GABRB2: variants seen among roughly 807,000 people sequenced by gnomAD.
The protein encoded by GABRB2 is gamma-aminobutyric acid receptor subunit beta-2.
Under a neutral mutation model 54.7 loss-of-function variants are expected in GABRB2, and 16 were observed. The ratio of observed to expected loss-of-function variants is 0.29; its 90% CI spans 0.20 to 0.44. The LOEUF (loss-of-function observed/expected upper bound fraction) is 0.44, where lower values mean the gene tolerates loss of function less well. Ranked by LOEUF, GABRB2 falls within the 20% of genes least tolerant of loss-of-function variation. The pLI is 1.00. For missense variants in GABRB2, 355 were observed against 644.0 expected (o/e 0.55, Z 4.86); for synonymous variants, 244 against 233.8 (o/e 1.04, Z -0.40).
At position 161,293,340 on chromosome 5, in the gene GABRB2, T is replaced by G. The variant is rs1352141736; in HGVS notation, c.*741A>C. ...CGTCGTTTCTGATTTTCTACTCTGC[T>G]CTGTGTTGTTAACTCTTACTTTAAC... On this transcript the variant is annotated 3_prime_UTR_variant, in exon 10 of 10. Coordinates refer to ENST00000393959, the MANE Select transcript of GABRB2 (RefSeq NM_001371727.1). 3 of 152,336 alleles carry G rather than the reference T, an allele frequency of 2.0e-5. No individual in the cohort carries two copies. Among genetic ancestry groups the G allele is most frequent in the Non-Finnish European group, 4.4e-5 (3 of 68,128 alleles). The allele number at this position is 152,336 out of a possible 1,614,324, so 9.4% of individuals were successfully genotyped here.
At chr5:161,463,319 A>C (rs1014613196) in intron 3 of GABRB2, among the ~76,000 whole-genome samples, 6 of 87,054 alleles carry the variant, frequency 6.9e-5, no homozygotes, top group Non-Finnish European at 1.0e-4. Context: ...CACACACACC[A>C]CACACACACA....
intron 9 of GABRB2, among the ~76,000 whole-genome samples, chr5:161,321,255 C>G (rs1199641570): frequency 6.6e-6 from 1 of 151,978 alleles, no homozygotes; most frequent in Non-Finnish European, 1.5e-5. Context: ...ATACTAAGTT[C>G]CTGTTATAAA....
chr5:161,359,708 A>C (rs1754744907), intron 5 of GABRB2, among the ~76,000 whole-genome samples: 1 of 152,202 alleles, frequency 6.6e-6, no homozygotes, highest in Non-Finnish European at 1.5e-5. Flanking sequence ...ACTGTTGATA[A>C]CTGGGATTTT....
Position 161,445,419 on chromosome 5 carries a change from A to G in GABRB2, c.458+14205T>C, listed in dbSNP as rs866101287. 3.0e-4 allele frequency among the ~76,000 whole-genome samples: 45 copies of G among 152,166 alleles called. 1 individual carries two copies. The South Asian group carries it at 3.3e-3, about 11-fold the overall frequency. ...GAATGTAAACTAAAAATAAAATTCTAAGCCCCCCAATCCCCACCATCTGAA... is the reference window on the plus strand; with the variant it reads ...GAATGTAAACTAAAAATAAAATTCTGAGCCCCCCAATCCCCACCATCTGAA... On this transcript the variant is annotated intron_variant, in intron 4 of 9. Transcript: ENST00000393959.
At chr5:161,325,150 A>G (rs1465322640) in intron 9 of GABRB2, among the ~76,000 whole-genome samples, 1 of 152,076 alleles carries the variant, frequency 6.6e-6, no homozygotes, top group South Asian at 2.1e-4. Flanking sequence ...CTTCTACATA[A>G]TTAACAATTG....
chr5:161,380,959 T>C (rs1249995205), intron 5 of GABRB2, among the ~76,000 whole-genome samples: 2 of 152,102 alleles, frequency 1.3e-5, no homozygotes, highest in African/African-American at 4.8e-5. Flanking sequence ...AACAGATCTT[T>C]ATGTGACTTC....
At chr5:161,294,503 A>T (rs1004230800) in intron 9 of GABRB2, 75 bp from the exon 10 acceptor site, 9 of 1,281,202 alleles carry the variant, frequency 7.0e-6, no homozygotes, top group Admixed American at 2.0e-5. Flanking sequence ...AGGCACTATG[A>T]TCGGCACTTA....
intron 3 of GABRB2, among the ~76,000 whole-genome samples, chr5:161,538,334 C>T (rs1363140544): frequency 6.6e-6 from 1 of 152,076 alleles, no homozygotes; most frequent in Non-Finnish European, 1.5e-5. Context: ...TGGAGGAAGA[C>T]AGAATAAATA....
At chr5:161,361,565 G>T (rs772475733) in intron 5 of GABRB2, among the ~76,000 whole-genome samples, 17 of 152,116 alleles carry the variant, frequency 1.1e-4, no homozygotes, top group African/African-American at 4.1e-4. Context: ...TGAAATTTTT[G>T]ATTATAAAAA....
At chr5:161,294,919 T>G (rs111356639) in intron 9 of GABRB2, among the ~76,000 whole-genome samples, 2 of 152,222 alleles carry the variant, frequency 1.3e-5, no homozygotes, top group African/African-American at 4.8e-5. Flanking sequence ...TACTTGCCAT[T>G]TATGTCAGGC....
intron 5 of GABRB2, among the ~76,000 whole-genome samples, chr5:161,350,879 C>G (rs1261691261): frequency 6.6e-6 from 1 of 152,054 alleles, no homozygotes; most frequent in Admixed American, 6.6e-5. Flanking sequence ...CAGTGACTCT[C>G]CAGGGGGTCT....
intron 8 of GABRB2, among the ~76,000 whole-genome samples, chr5:161,329,236 T>G (rs1333798846): frequency 6.6e-6 from 1 of 152,176 alleles, no homozygotes; most frequent in Non-Finnish European, 1.5e-5. Context: ...GAGATAGCAT[T>G]ATTTGTTTGT....
chr5:161,526,567 T>G (rs943462509), intron 3 of GABRB2, among the ~76,000 whole-genome samples: 2 of 137,504 alleles, frequency 1.5e-5, no homozygotes, highest in African/African-American at 2.5e-5. Context: ...TTCAAAGAAG[T>G]TTTTTTTTTT....
chr5:161,520,429 T>C (rs1452873733), intron 3 of GABRB2, among the ~76,000 whole-genome samples: 1 of 152,156 alleles, frequency 6.6e-6, no homozygotes, highest in African/African-American at 2.4e-5. Flanking sequence ...CATGAAACCA[T>C]GTAGTTACAA....
chr5:161,361,476 A>G lies in GABRB2; in HGVS notation c.542-24707T>C, dbSNP rs969460998. On this transcript the variant is annotated intron_variant, in intron 5 of 9. Coordinates refer to ENST00000393959, the MANE Select transcript of GABRB2 (RefSeq NM_001371727.1). ...TCACGTTGGGGTATAATAAGGGTAT[A>G]GACTAAATGGGACTGTTGAAGCTGG... Among the ~76,000 whole-genome samples the G allele has an allele frequency of 2.0e-5, 3 of 152,130 alleles. No homozygotes were observed. The East Asian group carries it at 5.8e-4, about 29-fold the overall frequency.
intron 3 of GABRB2, among the ~76,000 whole-genome samples, chr5:161,500,276 T>G (rs1759391276): frequency 6.6e-6 from 1 of 152,112 alleles, no homozygotes; most frequent in African/African-American, 2.4e-5. Flanking sequence ...TTTATGAGTT[T>G]GGTTGGTTGG....
intron 5 of GABRB2, among the ~76,000 whole-genome samples, chr5:161,340,908 T>C (rs1352330790): frequency 1.3e-5 from 2 of 152,042 alleles, no homozygotes. Flanking sequence ...CAAAGTTATT[T>C]TGATGTTTTG....
At chr5:161,340,588 T>C (rs929398891) in intron 5 of GABRB2, among the ~76,000 whole-genome samples, 1 of 151,958 alleles carries the variant, frequency 6.6e-6, no homozygotes, top group Non-Finnish European at 1.5e-5. Context: ...CCTAAGTTAC[T>C]GCACATCTCT....
At chr5:161,478,224 T>A (rs1014931368) in intron 3 of GABRB2, among the ~76,000 whole-genome samples, 8 of 152,140 alleles carry the variant, frequency 5.3e-5, no homozygotes, top group South Asian at 2.1e-4. Context: ...TTGGAATACA[T>A]ATATTCTCTA....
Sources: gnomAD v4.1 joint callset for allele counts (sites outside exome capture counted in the v4.1 genomes callset) on GRCh38, gnomAD v4.1.1 for gene constraint, MANE v1.5 for transcripts, NCBI Gene and HGNC (gene_info 2026-07-23, HGNC 2026-07-21) for gene names.